The following RNF213 variants were observed in gnomAD, a reference collection of about 807,000 sequenced individuals.
RNF213 encodes ring finger protein 213, also known as E3 ubiquitin-protein ligase RNF213.
RNF213 carries 341 observed loss-of-function variants against 514.4 expected under a neutral mutation model. That is an observed-to-expected ratio of 0.66 (90% CI 0.61 to 0.73). The LOEUF is 0.73. RNF213 is among the 30% of genes least tolerant of loss of function. The pLI, the probability that RNF213 is intolerant of heterozygous loss-of-function variation, is 0.00. For missense variants in RNF213, 5,767 were observed against 6,615.6 expected (o/e 0.87, Z 4.45); for synonymous variants, 2,655 against 2,658.2 (o/e 1.00, Z 0.04).
Position 80,383,878 on chromosome 17 carries a change from C to G in RNF213, c.14272C>G (p.Gln4758Glu). ...TGAGTACCTCCAGCACATTGTGGAA[C>G]AGAAAAATGGCAAAGAAAGAGTGCC... is the stretch of plus-strand genomic sequence containing the variant. ...TVEYLQHIVEQKNGKERVPIL... is the reference protein window; with the variant it reads ...TVEYLQHIVEEKNGKERVPIL... Residue 4758 changes from glutamine to glutamate, a missense_variant, in exon 59 of 68, where the codon CAG (glutamine) becomes GAG (glutamate). Physicochemically the swap from Gln to Glu is conservative, Grantham distance 29. Around this residue, in one of 13 missense-constraint regions of RNF213, gnomAD observed 1,245 missense variants for 1,339.0 expected, o/e 0.93. Coordinates refer to ENST00000582970, the MANE Select transcript of RNF213 (RefSeq NM_001256071.3). 1 of 1,614,172 alleles carries G rather than the reference C, an allele frequency of 6.2e-7. No individual in the cohort carries two copies. Among genetic ancestry groups the G allele is most frequent in the Non-Finnish European group, 8.5e-7 (1 of 1,180,030 alleles).
At chr17:80,372,264 T>C (rs114109468) in intron 47 of RNF213, among the ~76,000 whole-genome samples, 4,028 of 152,316 alleles carry the variant, frequency 0.026, 75 homozygotes, top group Middle Eastern at 0.065. Flanking sequence ...TTTATCTTCA[T>C]ATTTTTATAT....
At chr17:80,348,424 G>C in intron 29 of RNF213, 138 bp downstream of exon 29, 1 of 1,264,514 alleles carries the variant, frequency 7.9e-7, no homozygotes, top group South Asian at 1.2e-5. Flanking sequence ...GCTCTCCTCC[G>C]CGGTAAGTGT....
At chr17:80,389,733 A>C (rs1417870844) in intron 65 of RNF213, 95 bp from the exon 66 acceptor site, 3 of 999,766 alleles carry the variant, frequency 3.0e-6, no homozygotes, top group African/African-American at 1.6e-5. Context: ...GAAGAGAAGA[A>C]TGCCTGTGTG....
At chr17:80,383,576 C>A in intron 58 of RNF213, 101 bp from the exon 59 acceptor site, 2 of 1,240,044 alleles carry the variant, frequency 1.6e-6, no homozygotes, top group Middle Eastern at 1.9e-4. Flanking sequence ...GGGACAAACG[C>A]CCTAATATGC....
rs745536230 is a variant in RNF213 at position 80,317,141 on chromosome 17, G to A, written c.2812-47G>A. 6.3e-7 allele frequency: 1 copy of A among 1,575,154 alleles called. No individual in the cohort carries two copies. The highest frequency in any genetic ancestry group is 8.7e-7 in the Non-Finnish European group (1 of 1,152,248). On this transcript the variant is annotated intron_variant, in intron 15 of 67. Transcript: ENST00000582970. The surrounding 1 kb of genome is among the most constrained non-coding windows in gnomAD (Gnocchi z 4.1). ...TTCTCCTTTCATGGGAGTGTGCCGT[G>A]GCATTTAGTCGTGAGAGTGGGTGTG...
At chr17:80,388,454 T>C (rs1259010281) in intron 63 of RNF213, 158 bp from the exon 64 acceptor site, 1 of 684,640 alleles carries the variant, frequency 1.5e-6, no homozygotes, top group Non-Finnish European at 2.6e-6. Context: ...TTTCCATAGA[T>C]GGTGGGTTAA....
intron 67 of RNF213, among the ~76,000 whole-genome samples, chr17:80,391,659 C>A (rs1294415058): frequency 6.6e-6 from 1 of 150,932 alleles, no homozygotes; most frequent in African/African-American, 2.4e-5. Context: ...CTATTTCAGC[C>A]TTTAATTTTA....
Position 80,306,332 on chromosome 17 carries a change from T to G in RNF213, c.2291T>G (p.Leu764Arg). 1.2e-6 allele frequency: 2 copies of G among 1,614,172 alleles called. No homozygotes were observed. Among genetic ancestry groups the G allele is most frequent in the Non-Finnish European group, 1.7e-6 (2 of 1,180,032 alleles). ...CCTCTCTTCCGGTCCTGGTTTAGTC[T>G]GCTACCTCTGAGTCACCTGGTTATG... is the stretch of plus-strand genomic sequence containing the variant. ...DEPLFRSWFSLLPLSHLVMYM... is the reference protein window; with the variant it reads ...DEPLFRSWFSRLPLSHLVMYM... Residue 764 changes from leucine (L) to arginine (R), a missense_variant, in exon 12 of 68, where the codon CTG becomes CGG. Leu to Arg is a moderately radical substitution (Grantham distance 102). Around this residue, in one of 13 missense-constraint regions of RNF213, gnomAD observed 592 missense variants for 673.9 expected, o/e 0.88. Coordinates refer to ENST00000582970, the MANE Select transcript of RNF213 (RefSeq NM_001256071.3).
At chr17:80,357,326 A>G (rs938318218) in intron 36 of RNF213, among the ~76,000 whole-genome samples, 8 of 152,140 alleles carry the variant, frequency 5.3e-5, no homozygotes, top group Admixed American at 2.6e-4. Context: ...TAGTTAACCA[A>G]TTATCTTTCT....
intron 52 of RNF213, 133 bp downstream of exon 52, chr17:80,376,676 G>T: frequency 7.4e-7 from 1 of 1,342,508 alleles, no homozygotes. Flanking sequence ...TGTGTCACCT[G>T]ATTCTTGAGC....
intron 46 of RNF213, 68 bp downstream of exon 46, chr17:80,369,935 A>G: frequency 1.8e-6 from 2 of 1,117,040 alleles, no homozygotes; most frequent in Non-Finnish European, 2.7e-6. Context: ...GCGTTTTGTT[A>G]CCAAGTCTTC....
chr17:80,319,026 T>TG (rs901552959), intron 16 of RNF213, among the ~76,000 whole-genome samples, 164 bp from the exon 17 acceptor site: 2 of 152,012 alleles, frequency 1.3e-5, no homozygotes, highest in African/African-American at 2.4e-5. Context: ...GGTCTACTGG[T>TG]GGGGGGCAGG....
At chr17:80,382,175 T>A in intron 57 of RNF213, 1 of 158,238 alleles carries the variant, frequency 6.3e-6, no homozygotes, top group Non-Finnish European at 1.4e-5. Flanking sequence ...TGTTTATATG[T>A]CCACAGTTAT....
Position 80,369,457 on chromosome 17 carries a change from T to C in RNF213, c.12156-45T>C, listed in dbSNP as rs370272936. 4.5e-6 allele frequency: 7 copies of C among 1,565,602 alleles called. No homozygotes were observed. The Admixed American group carries it at 8.3e-5, about 19-fold the overall frequency. ...TCTCAAGTCATTCTGTAAGGAGGCA[T>C]TTGGGAAACACCATCCACCTGTCTT... is the stretch of plus-strand genomic sequence containing the variant. On this transcript the variant is annotated intron_variant, in intron 44 of 67. Coordinates refer to ENST00000582970, the MANE Select transcript of RNF213 (RefSeq NM_001256071.3).
intron 14 of RNF213, among the ~76,000 whole-genome samples, chr17:80,310,910 T>G (rs977858429): frequency 8.5e-5 from 13 of 152,308 alleles, no homozygotes; most frequent in African/African-American, 2.9e-4. Flanking sequence ...TAGAAAACAA[T>G]TAAGTGTATG....
intron 67 of RNF213, among the ~76,000 whole-genome samples, chr17:80,393,087 C>T (rs2080547130): frequency 1.3e-5 from 2 of 152,086 alleles, no homozygotes. Context: ...AAGTGGTCCT[C>T]CCACCTCAGC....
rs1262214726 is a variant in RNF213, at chr17:80,396,430, G to A, written c.*2932G>A. 3.9e-5 allele frequency: 6 copies of A among 152,122 alleles called. No individual in the cohort carries two copies. The highest frequency in any genetic ancestry group is 7.4e-5 in the Non-Finnish European group (5 of 68,024). 9.4% of individuals were successfully genotyped at this position (152,122 alleles called of 1,614,324 possible). Reference sequence around the variant, plus strand: ...AACAAACTTCCAGTGATAAATATTGGGAAGAAAATGTCAGCTCAGGGCCAA... The same window carrying A: ...AACAAACTTCCAGTGATAAATATTGAGAAGAAAATGTCAGCTCAGGGCCAA... On this transcript the variant is annotated 3_prime_UTR_variant, in exon 68 of 68. Coordinates refer to ENST00000582970, the MANE Select transcript of RNF213 (RefSeq NM_001256071.3).
chr17:80,317,043 G>A lies in RNF213; in HGVS notation c.2812-145G>A. ...TGACCGGCCACTAGCATGGCTGACT[G>A]TTGATGAAGGTTGGGGAGAGCCCTG... On this transcript the variant is annotated intron_variant, in intron 15 of 67. Transcript: ENST00000582970. This position sits in a 1 kb window ranked among gnomAD's most constrained non-coding sequence, Gnocchi z 4.1. The A allele has an allele frequency of 2.2e-6, 2 of 914,436 alleles. No individual in the cohort carries two copies. The highest frequency in any genetic ancestry group is 3.5e-6 in the Non-Finnish European group (2 of 570,894). 56.6% of individuals were successfully genotyped at this position (914,436 alleles called of 1,614,324 possible).
chr17:80,324,440 T>C (rs1367714819), intron 17 of RNF213, among the ~76,000 whole-genome samples: 1 of 152,244 alleles, frequency 6.6e-6, no homozygotes, highest in Non-Finnish European at 1.5e-5. Context: ...TTGATCGTGG[T>C]GTATAGTTCC....
Sources: gnomAD v4.1 joint callset for allele counts (sites outside exome capture counted in the v4.1 genomes callset) on GRCh38, gnomAD v4.1.1 for gene constraint, gnomAD v4.1.1 regional missense constraint, Gnocchi (gnomAD v3.1) non-coding constraint, MANE v1.5 for transcripts, NCBI Gene and HGNC (gene_info 2026-07-23, HGNC 2026-07-21) for gene names.